Variants in PTPN3 observed in about 807,000 individuals in gnomAD.
PTPN3 encodes tyrosine-protein phosphatase non-receptor type 3.
In PTPN3, 96 loss-of-function variants were observed where a neutral mutation model predicts 132.7. That is an observed-to-expected ratio of 0.72 (90% CI 0.61 to 0.86). The LOEUF (loss-of-function observed/expected upper bound fraction) is 0.86, where lower values mean the gene tolerates loss of function less well. Ranked by LOEUF, PTPN3 falls within the 40% of genes least tolerant of loss-of-function variation. PTPN3 has a pLI of 0.00. For synonymous variants in PTPN3, 398 were observed against 429.0 expected, an observed-to-expected ratio of 0.93 and a Z score of 0.89; for missense variants, 1,125 against 1,159.6, an observed-to-expected ratio of 0.97 and a Z score of 0.43.
the PTPN3 span, among the ~76,000 whole-genome samples, chr9:109,519,043 A>G: frequency 2.6e-5 from 4 of 151,764 alleles, no homozygotes; most frequent in Non-Finnish European, 5.9e-5. Flanking sequence ...CTCCGGTAAC[A>G]TGACCACCAG....
intron 7 of PTPN3, 131 bp from the exon 8 acceptor site, chr9:109,438,365 A>G (rs1342263905): frequency 3.2e-5 from 31 of 980,198 alleles, no homozygotes; most frequent in Non-Finnish European, 4.5e-5. Flanking sequence ...TCTACACCAC[A>G]TGAACTGAAG....
chr9:109,465,546 C>G (rs1846057222), intron 1 of PTPN3, among the ~76,000 whole-genome samples: 3 of 151,784 alleles, frequency 2.0e-5, no homozygotes, highest in Admixed American at 1.3e-4. Context: ...TTCATCTCTA[C>G]TAAACATACA....
the PTPN3 span, among the ~76,000 whole-genome samples, chr9:109,529,186 T>A: frequency 6.6e-6 from 1 of 152,194 alleles, no homozygotes; most frequent in Non-Finnish European, 1.5e-5. Context: ...CTGTCTCTCA[T>A]GACACATGAA....
intron 1 of PTPN3, among the ~76,000 whole-genome samples, chr9:109,467,132 G>A (rs978784905): frequency 2.0e-5 from 3 of 152,102 alleles, no homozygotes; most frequent in African/African-American, 7.2e-5. Context: ...GTCATCAGAA[G>A]CAGGGATGCA....
At chr9:109,518,987 C>G in the PTPN3 span, among the ~76,000 whole-genome samples, 1 of 152,226 alleles carries the variant, frequency 6.6e-6, no homozygotes, top group Middle Eastern at 3.4e-3. Flanking sequence ...TCCAGGAAGA[C>G]TTCCTGGAGC....
intron 19 of PTPN3, 147 bp downstream of exon 19, chr9:109,404,301 T>C: frequency 1.8e-6 from 1 of 557,078 alleles, no homozygotes; most frequent in Non-Finnish European, 2.8e-6. Context: ...AGAGACTCAG[T>C]TGACTGCTTT....
chr9:109,403,726 T>C (rs1202755885), intron 19 of PTPN3, among the ~76,000 whole-genome samples: 1 of 152,176 alleles, frequency 6.6e-6, no homozygotes, highest in Non-Finnish European at 1.5e-5. Flanking sequence ...AGAAAATAAA[T>C]TTGGAAGATG....
chr9:109,441,401 T>C (rs531439334), intron 7 of PTPN3, among the ~76,000 whole-genome samples: 2 of 152,298 alleles, frequency 1.3e-5, no homozygotes, highest in African/African-American at 2.4e-5. Flanking sequence ...AACTCCAACC[T>C]GATCTTAGAG....
chr9:109,386,501 A>G (rs1839593384), intron 22 of PTPN3, among the ~76,000 whole-genome samples: 1 of 152,188 alleles, frequency 6.6e-6, no homozygotes, highest in Admixed American at 6.5e-5. Flanking sequence ...GTGAAAAGAA[A>G]AGAAAGAGGG....
chr9:109,486,566 A>C (rs531300693), intron 1 of PTPN3, among the ~76,000 whole-genome samples: 2 of 152,180 alleles, frequency 1.3e-5, no homozygotes, highest in East Asian at 1.9e-4. Flanking sequence ...GACTATGTGG[A>C]GAGGACTAGT....
chr9:109,533,750 G>A, the PTPN3 span: 1 of 1,426,082 alleles, frequency 7.0e-7, no homozygotes, highest in South Asian at 1.3e-5. Context: ...GTAGGAAGGT[G>A]GGAACCTTCA....
chr9:109,413,809 A>G (rs539075358), intron 14 of PTPN3, among the ~76,000 whole-genome samples: 5 of 152,330 alleles, frequency 3.3e-5, no homozygotes, highest in Middle Eastern at 6.8e-3. Flanking sequence ...TTCACCCTCC[A>G]GAAAACACAT....
intron 16 of PTPN3, among the ~76,000 whole-genome samples, chr9:109,409,314 C>T (rs141253707): frequency 2.6e-5 from 4 of 152,154 alleles, no homozygotes; most frequent in African/African-American, 9.7e-5. Context: ...CTGAGGGGTT[C>T]TCTTAATAGC....
chr9:109,471,923 C>A (rs1846403430), intron 1 of PTPN3, among the ~76,000 whole-genome samples: 1 of 152,178 alleles, frequency 6.6e-6, no homozygotes, highest in Admixed American at 6.5e-5. Context: ...TTTGGTTCTG[C>A]CTGTCTATGC....
intron 1 of PTPN3, among the ~76,000 whole-genome samples, chr9:109,467,761 C>T (rs112339142): frequency 1.5e-3 from 227 of 152,276 alleles, no homozygotes; most frequent in Non-Finnish European, 2.7e-3. Flanking sequence ...GCGTGGGTGC[C>T]GCTGGGACTT....
the PTPN3 span, among the ~76,000 whole-genome samples, chr9:109,529,882 G>A: frequency 2.0e-5 from 3 of 152,184 alleles, no homozygotes; most frequent in East Asian, 3.9e-4. Flanking sequence ...GTTACTAGAT[G>A]CATATGCTCT....
chr9:109,448,456 T>C (rs1208883748), intron 6 of PTPN3, among the ~76,000 whole-genome samples: 1 of 152,182 alleles, frequency 6.6e-6, no homozygotes, highest in African/African-American at 2.4e-5. Flanking sequence ...CCGTGGGTAC[T>C]AAGGGGCTCA....
chr9:109,455,367 C>T (rs949023155), intron 4 of PTPN3, among the ~76,000 whole-genome samples: 5 of 152,178 alleles, frequency 3.3e-5, no homozygotes, highest in Non-Finnish European at 7.3e-5. Context: ...ACCATCATCC[C>T]TCAGTAAATA....
At chr9:109,390,208 T>C (rs901010666) in intron 21 of PTPN3, among the ~76,000 whole-genome samples, 5 of 152,246 alleles carry the variant, frequency 3.3e-5, no homozygotes, top group Non-Finnish European at 4.4e-5. Flanking sequence ...ATGAATCCCA[T>C]AGATGCTTTG....
Sources: gnomAD v4.1 joint callset for allele counts (sites outside exome capture counted in the v4.1 genomes callset) on GRCh38, gnomAD v4.1.1 for gene constraint, MANE v1.5 for transcripts, NCBI Gene and HGNC (gene_info 2026-07-23, HGNC 2026-07-21) for gene names.